DISC1: variants seen among roughly 807,000 people sequenced by gnomAD.
DISC1 encodes DISC1 scaffold protein, also known as disrupted in schizophrenia 1 protein.
In DISC1, 57 loss-of-function variants were observed where a neutral mutation model predicts 84.5. The ratio of observed to expected loss-of-function variants is 0.67; its 90% CI spans 0.55 to 0.84. The LOEUF (loss-of-function observed/expected upper bound fraction) is 0.84, where lower values mean the gene tolerates loss of function less well. DISC1 is among the 40% of genes least tolerant of loss of function. DISC1 has a pLI of 0.00. For synonymous variants in DISC1, 411 were observed against 415.2 expected (o/e 0.99, Z 0.12); for missense variants, 1,000 against 1,057.8 (o/e 0.95, Z 0.76).
intron 11 of DISC1, among the ~76,000 whole-genome samples, chr1:232,015,315 C>T (rs931376682): frequency 2.6e-5 from 4 of 151,980 alleles, no homozygotes; most frequent in Non-Finnish European, 5.9e-5. Context: ...AATAGTTCAG[C>T]GCTTCTGAGG....
rs1439216825 is a variant in DISC1, at chr1:232,032,023, C to CT, written c.2426-4662dup. Among the ~76,000 whole-genome samples, 14 of 152,214 alleles carry CT rather than the reference C, an allele frequency of 9.2e-5. No homozygotes were observed. In the Middle Eastern group the frequency reaches 0.014, roughly 148 times the overall value. ...GGACTAGAAGTGTTTTGAAGTTCTGCTTTTTTTCAGATTGTGGAATATTTG... is the reference window on the plus strand; with the variant it reads ...GGACTAGAAGTGTTTTGAAGTTCTGCTTTTTTTTCAGATTGTGGAATATTTG... On this transcript the variant is annotated intron_variant, in intron 12 of 12. Transcript: ENST00000439617.
intron 9 of DISC1, among the ~76,000 whole-genome samples, chr1:231,836,279 T>G (rs545241435): frequency 1.3e-5 from 2 of 152,308 alleles, no homozygotes; most frequent in African/African-American, 4.8e-5. Context: ...GGCGTGCTGT[T>G]ATTTCATAGG....
At chr1:231,997,831 A>G (rs1443691442) in intron 10 of DISC1, among the ~76,000 whole-genome samples, 2 of 152,202 alleles carry the variant, frequency 1.3e-5, no homozygotes, top group Admixed American at 1.3e-4. Context: ...CCACTTCTCC[A>G]AAGACCCAAG....
rs1156618634 is a variant in DISC1, at chr1:231,954,501, C to G, written c.1982-4327C>G. The stretch of plus-strand genomic sequence containing the variant: ...ATCAGATTCCCTTAATAAACAGAAA[C>G]AGTGAATGTGTTCCTGCTTCTTCCT... On this transcript the variant is annotated intron_variant, in intron 9 of 12. Transcript: ENST00000439617. The surrounding 1 kb of genome is among the most constrained non-coding windows in gnomAD (Gnocchi z 4.8). 1.3e-5 allele frequency among the ~76,000 whole-genome samples: 2 copies of G among 152,118 alleles called. No homozygotes were observed. The highest frequency in any genetic ancestry group is 4.8e-5 in the African/African-American group (2 of 41,380).
At chr1:231,769,812 AT>A (rs564094650) in intron 5 of DISC1, among the ~76,000 whole-genome samples, 164 of 152,342 alleles carry the variant, frequency 1.1e-3, no homozygotes, top group African/African-American at 3.7e-3. Context: ...AGAAAAAGAA[AT>A]GAATAGGGTA....
chr1:231,635,089 A>G (rs2059084286), intron 1 of DISC1, among the ~76,000 whole-genome samples: 1 of 152,042 alleles, frequency 6.6e-6, no homozygotes, highest in African/African-American at 2.4e-5. Context: ...GTGTCTTCCC[A>G]GTTCTGATAC....
intron 3 of DISC1, among the ~76,000 whole-genome samples, chr1:231,746,991 T>G (rs1274430945): frequency 6.6e-6 from 1 of 152,182 alleles, no homozygotes; most frequent in East Asian, 1.9e-4. Flanking sequence ...TGCAGTGGCA[T>G]GATCACAGAT....
At chr1:231,929,206 G>C (rs537397241) in intron 9 of DISC1, among the ~76,000 whole-genome samples, 73 of 152,230 alleles carry the variant, frequency 4.8e-4, no homozygotes, top group African/African-American at 1.7e-3. Flanking sequence ...CTCTTTGTAG[G>C]TCTCTAAGAA....
At chr1:231,690,124 A>G (rs1417083583) in intron 1 of DISC1, among the ~76,000 whole-genome samples, 1 of 152,172 alleles carries the variant, frequency 6.6e-6, no homozygotes, top group Non-Finnish European at 1.5e-5. Context: ...ATAGAGACCC[A>G]TTGACATCTG....
At chr1:231,680,970 G>A (rs1459272969) in intron 1 of DISC1, among the ~76,000 whole-genome samples, 1 of 152,162 alleles carries the variant, frequency 6.6e-6, no homozygotes, top group Non-Finnish European at 1.5e-5. Flanking sequence ...AATAAGAGCA[G>A]AAACTTAAGT....
intron 6 of DISC1, among the ~76,000 whole-genome samples, chr1:231,794,428 C>G (rs1039945103): frequency 3.3e-5 from 5 of 152,072 alleles, no homozygotes; most frequent in African/African-American, 1.2e-4. Context: ...TTTTCTATTC[C>G]CCTTATAGTA....
At chr1:231,888,394 A>G (rs1385527602) in intron 9 of DISC1, among the ~76,000 whole-genome samples, 1 of 152,080 alleles carries the variant, frequency 6.6e-6, no homozygotes, top group Non-Finnish European at 1.5e-5. Flanking sequence ...GGGAGACGAG[A>G]GGTGCCAGGA....
intron 8 of DISC1, among the ~76,000 whole-genome samples, chr1:231,805,872 A>G (rs1573959219): frequency 6.6e-6 from 1 of 152,300 alleles, no homozygotes; most frequent in Middle Eastern, 3.4e-3. Flanking sequence ...GGGCAGAGAG[A>G]TTTCTCAGTT....
intron 9 of DISC1, among the ~76,000 whole-genome samples, chr1:231,942,536 A>G (rs1194132206): frequency 1.3e-5 from 2 of 152,094 alleles, no homozygotes; most frequent in Admixed American, 6.5e-5. Context: ...GTGGTGTCAC[A>G]TGCCTGTAGT....
Position 231,708,272 on chromosome 1 carries a change from G to T in DISC1, c.1117+6248G>T, listed in dbSNP as rs556810973. Among the ~76,000 whole-genome samples, 3 of 152,242 alleles carry T rather than the reference G, an allele frequency of 2.0e-5. No homozygotes were observed. In the East Asian group the frequency reaches 5.8e-4, roughly 29 times the overall value. On this transcript the variant is annotated intron_variant, in intron 3 of 12. Transcript: ENST00000439617. ...GGCAGGCACCATCCAATTGTCAAGGGCCCAGAGAAAACAAATGTAGAAGGC... is the reference window on the plus strand; with the variant it reads ...GGCAGGCACCATCCAATTGTCAAGGTCCCAGAGAAAACAAATGTAGAAGGC...
At chr1:231,863,223 T>A (rs1227184046) in intron 9 of DISC1, among the ~76,000 whole-genome samples, 2 of 20,358 alleles carry the variant, frequency 9.8e-5, no homozygotes, top group Non-Finnish European at 1.8e-4. Flanking sequence ...AAATGTTCTT[T>A]TTTTTTTTTT....
intron 3 of DISC1, chr1:231,723,048 A>G: frequency 1.9e-6 from 2 of 1,053,784 alleles, no homozygotes; most frequent in Non-Finnish European, 2.3e-6. Context: ...AATATGTACT[A>G]CAGTTGTCCC....
intron 9 of DISC1, among the ~76,000 whole-genome samples, chr1:231,894,345 A>C (rs2126011572): frequency 6.6e-6 from 1 of 152,290 alleles, no homozygotes; most frequent in African/African-American, 2.4e-5. Flanking sequence ...TGAACCTATG[A>C]GTTTATTTTT....
intron 1 of DISC1, among the ~76,000 whole-genome samples, chr1:231,654,149 A>G (rs2060865436): frequency 6.6e-6 from 1 of 152,192 alleles, no homozygotes; most frequent in African/African-American, 2.4e-5. Context: ...AAGTGATTGC[A>G]GGGGAGTCCG....
Sources: gnomAD v4.1 joint callset for allele counts (sites outside exome capture counted in the v4.1 genomes callset) on GRCh38, gnomAD v4.1.1 for gene constraint, Gnocchi (gnomAD v3.1) non-coding constraint, MANE v1.5 for transcripts, NCBI Gene and HGNC (gene_info 2026-07-23, HGNC 2026-07-21) for gene names.